The following BABAM2 variants were observed in gnomAD, a reference collection of about 807,000 sequenced individuals.
The protein encoded by BABAM2 is BRISC and BRCA1-A complex member 2.
In BABAM2, 31 loss-of-function variants were observed where a neutral mutation model predicts 54.7. The observed-to-expected ratio is 0.57, with a 90% CI of 0.43 to 0.77. The LOEUF (loss-of-function observed/expected upper bound fraction) is 0.77, where lower values mean the gene tolerates loss of function less well. Among genes scored for constraint, BABAM2 ranks in the 30% least tolerant of loss-of-function variants. The probability of loss-of-function intolerance (pLI) is 0.00; values close to 1 mark genes in which losing one functional copy is unlikely to be tolerated. For missense variants in BABAM2, 364 were observed against 455.8 expected, an observed-to-expected ratio of 0.80 and a Z score of 1.83; for synonymous variants, 167 against 162.9, an observed-to-expected ratio of 1.03 and a Z score of -0.19.
intron 10 of BABAM2, among the ~76,000 whole-genome samples, chr2:28,291,325 G>A (rs1191860291): frequency 6.6e-6 from 1 of 152,152 alleles, no homozygotes; most frequent in East Asian, 1.9e-4. Flanking sequence ...GGGCATAGTG[G>A]TTCACATCTA....
chr2:28,021,696 A>G (rs1327843204), intron 4 of BABAM2, among the ~76,000 whole-genome samples: 1 of 152,108 alleles, frequency 6.6e-6, no homozygotes, highest in African/African-American at 2.4e-5. Flanking sequence ...TTCTTGTTAT[A>G]TTTCTAATGT....
At chr2:28,226,430 G>A (rs919803932) in intron 7 of BABAM2, among the ~76,000 whole-genome samples, 3 of 151,910 alleles carry the variant, frequency 2.0e-5, no homozygotes, top group African/African-American at 7.3e-5. Flanking sequence ...TTTTTTAAGT[G>A]TCTAATATGC....
intron 5 of BABAM2, among the ~76,000 whole-genome samples, chr2:28,036,777 T>C (rs889851852): frequency 2.0e-5 from 3 of 152,256 alleles, no homozygotes; most frequent in Non-Finnish European, 2.9e-5. Context: ...TAGTTTGAAT[T>C]GGAGTTCTGT....
intron 5 of BABAM2, among the ~76,000 whole-genome samples, chr2:28,030,109 G>A (rs1275872921): frequency 3.9e-5 from 6 of 151,948 alleles, no homozygotes; most frequent in Non-Finnish European, 7.4e-5. Context: ...AATAATAATA[G>A]TGAATTTGAA....
At chr2:27,894,469 A>G in intron 1 of BABAM2, 64 bp from the exon 2 acceptor site, 2 of 1,484,936 alleles carry the variant, frequency 1.3e-6, no homozygotes, top group Non-Finnish European at 1.9e-6. Context: ...TCCAGTTTTC[A>G]GGCAGAGTGT....
At chr2:27,950,083 G>A (rs1167140046) in intron 3 of BABAM2, among the ~76,000 whole-genome samples, 1 of 152,200 alleles carries the variant, frequency 6.6e-6, no homozygotes, top group Non-Finnish European at 1.5e-5. Flanking sequence ...TCCAGCAGGA[G>A]ACGGATGTTT....
At chr2:28,275,400 G>A (rs1573980362) in intron 10 of BABAM2, among the ~76,000 whole-genome samples, 1 of 152,212 alleles carries the variant, frequency 6.6e-6, no homozygotes, top group South Asian at 2.1e-4. Flanking sequence ...GAAGGTATAA[G>A]CCTCATGCAG....
chr2:28,090,376 C>A (rs1238480367), intron 6 of BABAM2, among the ~76,000 whole-genome samples: 3 of 152,270 alleles, frequency 2.0e-5, no homozygotes, highest in South Asian at 2.1e-4. Context: ...TCCTGAGTAG[C>A]TGGGAGTACA....
chr2:28,224,338 A>G (rs565048274), intron 7 of BABAM2, among the ~76,000 whole-genome samples: 1 of 152,332 alleles, frequency 6.6e-6, no homozygotes, highest in South Asian at 2.1e-4. Flanking sequence ...TATTGCACAC[A>G]TTTTTAATTT....
intron 4 of BABAM2, among the ~76,000 whole-genome samples, chr2:28,007,224 A>G (rs565611508): frequency 6.6e-6 from 1 of 152,224 alleles, no homozygotes; most frequent in African/African-American, 2.4e-5. Flanking sequence ...AATCACATAA[A>G]GAGACAGGAA....
At chr2:27,969,392 T>C (rs1475586020) in intron 3 of BABAM2, among the ~76,000 whole-genome samples, 1 of 152,036 alleles carries the variant, frequency 6.6e-6, no homozygotes, top group Non-Finnish European at 1.5e-5. Flanking sequence ...ATAGGGTGCA[T>C]TGAAGAGTAG....
intron 6 of BABAM2, among the ~76,000 whole-genome samples, chr2:28,079,814 A>G (rs775733885): frequency 6.6e-6 from 1 of 152,196 alleles, no homozygotes. Flanking sequence ...ATTAGAAAAT[A>G]AACTGTTAGG....
intron 7 of BABAM2, among the ~76,000 whole-genome samples, chr2:28,172,334 G>A (rs150398273): frequency 0.015 from 2,343 of 152,270 alleles, 27 homozygotes; most frequent in South Asian, 0.038. Context: ...AGGAGAGTAT[G>A]GAGGATCTCC....
chr2:28,198,210 A>C (rs1337818835), intron 7 of BABAM2, among the ~76,000 whole-genome samples: 4 of 150,664 alleles, frequency 2.7e-5, no homozygotes, highest in Non-Finnish European at 3.0e-5. Context: ...CCCAGGCTGG[A>C]TGGAGTGCAG....
intron 11 of BABAM2, among the ~76,000 whole-genome samples, chr2:28,324,072 G>A (rs1323240255): frequency 6.6e-6 from 1 of 152,204 alleles, no homozygotes; most frequent in Non-Finnish European, 1.5e-5. Flanking sequence ...GACACACAGA[G>A]CTACCAGAGG....
intron 5 of BABAM2, among the ~76,000 whole-genome samples, chr2:28,041,495 T>C (rs1677094986): frequency 6.6e-6 from 1 of 152,202 alleles, no homozygotes; most frequent in Non-Finnish European, 1.5e-5. Flanking sequence ...CATTTTCTTA[T>C]TCACTAATTT....
At chr2:28,181,085 G>A (rs1192553223) in intron 7 of BABAM2, among the ~76,000 whole-genome samples, 5 of 152,132 alleles carry the variant, frequency 3.3e-5, no homozygotes, top group Non-Finnish European at 5.9e-5. Context: ...GAACTTCCAC[G>A]TGATCCAGCA....
chr2:28,080,943 A>G (rs1400922143), intron 6 of BABAM2, among the ~76,000 whole-genome samples: 4 of 152,242 alleles, frequency 2.6e-5, no homozygotes, highest in Non-Finnish European at 5.9e-5. Flanking sequence ...GTCTAAGAAC[A>G]TTAAGAACCT....
At chr2:28,336,141 A>T (rs1413932505) in intron 11 of BABAM2, among the ~76,000 whole-genome samples, 3 of 152,170 alleles carry the variant, frequency 2.0e-5, no homozygotes, top group Non-Finnish European at 4.4e-5. Context: ...ACATAGGCAA[A>T]GGAGGCCTCA....
Sources: gnomAD v4.1 joint callset for allele counts (sites outside exome capture counted in the v4.1 genomes callset) on GRCh38, gnomAD v4.1.1 for gene constraint, MANE v1.5 for transcripts, NCBI Gene and HGNC (gene_info 2026-07-23, HGNC 2026-07-21) for gene names.